Variants in CLASP1 observed in about 807,000 individuals in gnomAD.
The protein encoded by CLASP1 is CLIP-associating protein 1.
In CLASP1, 38 loss-of-function variants were observed where a neutral mutation model predicts 192.3. The observed-to-expected ratio is 0.20, with a 90% CI of 0.15 to 0.26. The LOEUF is 0.26. Ranked by LOEUF, CLASP1 falls within the 10% of genes least tolerant of loss-of-function variation. The pLI is 1.00. For missense variants in CLASP1, 1,433 were observed against 1,932.5 expected (o/e 0.74, Z 4.85); for synonymous variants, 691 against 712.8 (o/e 0.97, Z 0.49).
intron 23 of CLASP1, among the ~76,000 whole-genome samples, chr2:121,413,901 T>A (rs2078137291): frequency 6.6e-6 from 1 of 152,200 alleles, no homozygotes; most frequent in Non-Finnish European, 1.5e-5. Flanking sequence ...ACTTCCCTGT[T>A]GTTTTAACGT....
At chr2:121,598,805 G>A (rs907835085) in intron 2 of CLASP1, among the ~76,000 whole-genome samples, 1 of 152,220 alleles carries the variant, frequency 6.6e-6, no homozygotes, top group Non-Finnish European at 1.5e-5. Context: ...ACATCTGTCT[G>A]TAAAGAAACA....
intron 1 of CLASP1, among the ~76,000 whole-genome samples, chr2:121,642,793 A>C (rs2072396632): frequency 6.6e-6 from 1 of 152,202 alleles, no homozygotes; most frequent in African/African-American, 2.4e-5. Flanking sequence ...AAAGCTATTA[A>C]AACTTAAAAT....
At chr2:121,613,545 A>G (rs541964686) in intron 1 of CLASP1, among the ~76,000 whole-genome samples, 5 of 152,282 alleles carry the variant, frequency 3.3e-5, no homozygotes, top group African/African-American at 1.2e-4. Flanking sequence ...CTTGACTCCC[A>G]AGTGGCACTG....
chr2:121,621,477 T>C (rs2067342827), intron 1 of CLASP1, among the ~76,000 whole-genome samples: 1 of 152,146 alleles, frequency 6.6e-6, no homozygotes, highest in East Asian at 1.9e-4. Context: ...CTATGATGAA[T>C]TCTGAATTTA....
At chr2:121,381,232 T>C (rs2149344695) in intron 33 of CLASP1, among the ~76,000 whole-genome samples, 1 of 152,342 alleles carries the variant, frequency 6.6e-6, no homozygotes, top group South Asian at 2.1e-4. Flanking sequence ...ATGTAGATTA[T>C]TTGTATTCCA....
At chr2:121,374,926 G>A (rs1417377235) in intron 34 of CLASP1, among the ~76,000 whole-genome samples, 3 of 152,202 alleles carry the variant, frequency 2.0e-5, no homozygotes, top group African/African-American at 7.2e-5. Context: ...GGACTTTTGA[G>A]TTAATGCAGG....
chr2:121,545,210 G>A (rs138462387), intron 2 of CLASP1, among the ~76,000 whole-genome samples: 115 of 152,134 alleles, frequency 7.6e-4, no homozygotes, highest in East Asian at 4.6e-3. Context: ...CACTGCACCC[G>A]GCCTGGGTAC....
At chr2:121,370,735 C>A (rs540432123) in intron 34 of CLASP1, among the ~76,000 whole-genome samples, 62 of 152,314 alleles carry the variant, frequency 4.1e-4, no homozygotes, top group African/African-American at 1.1e-3. Flanking sequence ...CCTGACTCCT[C>A]CTGGCCCTGC....
intron 29 of CLASP1, among the ~76,000 whole-genome samples, chr2:121,397,572 G>A (rs1048843508): frequency 2.0e-5 from 3 of 152,192 alleles, no homozygotes; most frequent in Admixed American, 6.5e-5. Context: ...TTCCAGGGCA[G>A]GAGCCCTTGA....
At chr2:121,572,359 C>T (rs1008234208) in intron 2 of CLASP1, among the ~76,000 whole-genome samples, 3 of 152,150 alleles carry the variant, frequency 2.0e-5, no homozygotes, top group African/African-American at 2.4e-5. Flanking sequence ...ACCCGGGACG[C>T]GGAGATTGCA....
At chr2:121,624,937 T>G (rs1016243211) in intron 1 of CLASP1, among the ~76,000 whole-genome samples, 6 of 152,226 alleles carry the variant, frequency 3.9e-5, no homozygotes, top group Non-Finnish European at 7.3e-5. Flanking sequence ...GATTTCAGTG[T>G]GTGTAGTTTA....
At chr2:121,387,708 GC>G in intron 31 of CLASP1, 54 bp downstream of exon 32, 1 of 1,569,938 alleles carries the variant, frequency 6.4e-7, no homozygotes, top group Non-Finnish European at 8.8e-7. Context: ...CTAGATAAGG[GC>G]TACGCAGAGG....
intron 8 of CLASP1, among the ~76,000 whole-genome samples, chr2:121,500,073 T>C (rs141277055): frequency 3.2e-4 from 49 of 152,228 alleles, no homozygotes; most frequent in African/African-American, 7.9e-4. Context: ...AGACTGTATA[T>C]GTAGAAAACC....
intron 2 of CLASP1, among the ~76,000 whole-genome samples, chr2:121,577,000 T>C (rs1339038248): frequency 6.6e-6 from 1 of 152,186 alleles, no homozygotes; most frequent in African/African-American, 2.4e-5. Flanking sequence ...GGCGTGATAA[T>C]GGTACCATGG....
chr2:121,389,747 T>C (rs976566082), intron 30 of CLASP1, among the ~76,000 whole-genome samples: 1 of 152,236 alleles, frequency 6.6e-6, no homozygotes, highest in Non-Finnish European at 1.5e-5. Flanking sequence ...CCAAGCTAAC[T>C]TGAGGCTTTT....
At chr2:121,631,473 A>G (rs949037172) in intron 1 of CLASP1, among the ~76,000 whole-genome samples, 1 of 151,758 alleles carries the variant, frequency 6.6e-6, no homozygotes, top group Non-Finnish European at 1.5e-5. Flanking sequence ...TTTTTAGTAA[A>G]GACGAGGTTT....
At chr2:121,398,353 A>G (rs746755600) in exon 29 of CLASP1, 1 of 1,599,844 alleles carries the variant, frequency 6.3e-7, no homozygotes, top group South Asian at 1.1e-5. Context: ...TTGATCCACA[A>G]TAAATCTCAT....
intron 23 of CLASP1, among the ~76,000 whole-genome samples, 42 bp from the exon 24 acceptor site, chr2:121,414,245 G>T (rs1490694649): frequency 6.6e-6 from 1 of 152,142 alleles, no homozygotes; most frequent in Non-Finnish European, 1.5e-5. Flanking sequence ...GATTAACACA[G>T]AAGTACCAGA....
At chr2:121,460,154 T>C (rs1037995516) in intron 11 of CLASP1, 29 bp from the exon 12 acceptor site, 5 of 1,578,406 alleles carry the variant, frequency 3.2e-6, no homozygotes, top group South Asian at 1.1e-5. Flanking sequence ...TTCAGAAAAA[T>C]AGAAAACAAT....
Sources: allele counts gnomAD v4.1 joint callset (sites outside exome capture counted in the v4.1 genomes callset), GRCh38; gene constraint gnomAD v4.1.1; transcripts MANE v1.5; gene names NCBI Gene and HGNC (gene_info 2026-07-23, HGNC 2026-07-21).